The following NEGR1 variants were observed in gnomAD, a reference collection of about 807,000 sequenced individuals.
The protein encoded by NEGR1 is IgLON family member 4.
In NEGR1, 10 loss-of-function variants were observed where a neutral mutation model predicts 40.9. That is an observed-to-expected ratio of 0.24 (90% CI 0.15 to 0.42). The LOEUF is 0.42. Among genes scored for constraint, NEGR1 ranks in the 10% least tolerant of loss-of-function variants. NEGR1 has a pLI of 1.00. For missense variants in NEGR1, 352 were observed against 438.9 expected (o/e 0.80, Z 1.77); for synonymous variants, 185 against 166.8 (o/e 1.11, Z -0.84).
chr1:72,194,396 C>G (rs972692151), intron 1 of NEGR1, among the ~76,000 whole-genome samples: 12 of 151,860 alleles, frequency 7.9e-5, no homozygotes, highest in Admixed American at 5.3e-4. Context: ...CTTTGAGTCT[C>G]AAAAGTAAGA....
intron 1 of NEGR1, among the ~76,000 whole-genome samples, chr1:71,974,322 AT>A (rs1318932024): frequency 5.3e-5 from 8 of 152,210 alleles, no homozygotes; most frequent in Non-Finnish European, 8.8e-5. Context: ...ATTAATATGT[AT>A]TCTTATGAAA....
intron 4 of NEGR1, among the ~76,000 whole-genome samples, chr1:71,656,212 C>A (rs1288972136): frequency 6.6e-6 from 1 of 152,096 alleles, no homozygotes; most frequent in African/African-American, 2.4e-5. Flanking sequence ...AAAATGGGGT[C>A]ATTATCATTA....
chr1:71,938,556 C>T (rs1389393272), intron 1 of NEGR1, among the ~76,000 whole-genome samples: 1 of 151,348 alleles, frequency 6.6e-6, no homozygotes, highest in African/African-American at 2.4e-5. Flanking sequence ...CATGTGTATG[C>T]TGTATTAAGA....
intron 4 of NEGR1, among the ~76,000 whole-genome samples, chr1:71,656,117 T>A (rs1651864316): frequency 6.6e-6 from 1 of 152,198 alleles, no homozygotes; most frequent in Non-Finnish European, 1.5e-5. Flanking sequence ...AGTTCTTACT[T>A]GGGCATAATT....
At chr1:72,158,682 A>G (rs1176098069) in intron 1 of NEGR1, among the ~76,000 whole-genome samples, 1 of 152,208 alleles carries the variant, frequency 6.6e-6, no homozygotes, top group African/African-American at 2.4e-5. Flanking sequence ...ATAGACATGA[A>G]AATAAAGCCC....
chr1:72,248,205 G>A (rs1654963813), intron 1 of NEGR1, among the ~76,000 whole-genome samples: 1 of 152,102 alleles, frequency 6.6e-6, no homozygotes, highest in Non-Finnish European at 1.5e-5. Context: ...ATCTCAATAA[G>A]AGAACTAATT....
intron 5 of NEGR1, among the ~76,000 whole-genome samples, chr1:71,597,460 C>G (rs1253193144): frequency 0.019 from 1,221 of 64,608 alleles, 27 homozygotes; most frequent in African/African-American, 0.067. Flanking sequence ...CTCTCTCTCT[C>G]TCTCTCTCTC....
intron 6 of NEGR1, among the ~76,000 whole-genome samples, chr1:71,484,020 A>C (rs1486742398): frequency 6.6e-6 from 1 of 151,700 alleles, no homozygotes; most frequent in Non-Finnish European, 1.5e-5. Flanking sequence ...GAGGAGTATA[A>C]ATTTGAAAAC....
At chr1:71,564,514 T>G (rs570962255) in intron 6 of NEGR1, among the ~76,000 whole-genome samples, 1 of 152,200 alleles carries the variant, frequency 6.6e-6, no homozygotes, top group East Asian at 1.9e-4. Context: ...TTTTTAAAAG[T>G]CAAAACCCAG....
chr1:71,927,627 T>G (rs1396315776), intron 2 of NEGR1, among the ~76,000 whole-genome samples: 1 of 151,640 alleles, frequency 6.6e-6, no homozygotes, highest in Non-Finnish European at 1.5e-5. Flanking sequence ...TCAATAATAC[T>G]GCTTCATATA....
intron 1 of NEGR1, among the ~76,000 whole-genome samples, chr1:72,278,283 G>A (rs938886597): frequency 6.6e-6 from 1 of 151,962 alleles, no homozygotes; most frequent in Non-Finnish European, 1.5e-5. Flanking sequence ...AGCATGACAA[G>A]CAGATAATAG....
chr1:71,632,690 T>C lies in NEGR1; in HGVS notation c.668-21544A>G, dbSNP rs1651014747. ...GATAAAGTTTATTTCTTAATTGTCATTTTATTCTCTAAATTACAAAACATT... is the reference window on the plus strand; with the variant it reads ...GATAAAGTTTATTTCTTAATTGTCACTTTATTCTCTAAATTACAAAACATT... On this transcript the variant is annotated intron_variant, in intron 4 of 6. Coordinates refer to ENST00000357731, the MANE Select transcript of NEGR1 (RefSeq NM_173808.3). Among the ~76,000 whole-genome samples, 3 of 151,928 alleles carry C rather than the reference T, an allele frequency of 2.0e-5. No homozygotes were observed. In the South Asian group the frequency reaches 6.2e-4, roughly 31 times the overall value.
chr1:72,178,513 C>T (rs1418072150), intron 1 of NEGR1, among the ~76,000 whole-genome samples: 1 of 151,564 alleles, frequency 6.6e-6, no homozygotes, highest in African/African-American at 2.4e-5. Flanking sequence ...ACTTGAGAGG[C>T]CTTTTACAGC....
At chr1:72,082,152 C>G (rs1425692116) in intron 1 of NEGR1, among the ~76,000 whole-genome samples, 1 of 152,070 alleles carries the variant, frequency 6.6e-6, no homozygotes, top group Non-Finnish European at 1.5e-5. Flanking sequence ...TTCTATTTGT[C>G]TTCTCCACTC....
intron 4 of NEGR1, among the ~76,000 whole-genome samples, chr1:71,679,867 G>A (rs1652772513): frequency 6.6e-6 from 1 of 151,974 alleles, no homozygotes; most frequent in Non-Finnish European, 1.5e-5. Context: ...AGTTTACTAA[G>A]AGTTTTTATG....
chr1:71,471,925 G>C (rs547669883), intron 6 of NEGR1, among the ~76,000 whole-genome samples: 1 of 151,984 alleles, frequency 6.6e-6, no homozygotes, highest in African/African-American at 2.4e-5. Flanking sequence ...GCTGAACCCA[G>C]CTGTCTTTCT....
intron 2 of NEGR1, among the ~76,000 whole-genome samples, chr1:71,812,956 T>C (rs12074896): frequency 3.7e-4 from 56 of 152,252 alleles, no homozygotes; most frequent in African/African-American, 1.3e-3. Context: ...ATGCGTCAAT[T>C]TTTGCTTTTG....
At chr1:71,911,678 G>A (rs1219098345) in intron 2 of NEGR1, among the ~76,000 whole-genome samples, 3 of 152,202 alleles carry the variant, frequency 2.0e-5, no homozygotes, top group African/African-American at 4.8e-5. Flanking sequence ...AGTCTCTGAA[G>A]TGTAGTTACT....
chr1:72,013,963 T>TAAAAAATAA (rs1646684295), intron 1 of NEGR1, among the ~76,000 whole-genome samples: 1 of 88,492 alleles, frequency 1.1e-5, no homozygotes, highest in Non-Finnish European at 2.3e-5. Flanking sequence ...CTGTGAAAAA[T>TAAAAAATAA]AAAAAAAAAA....
Sources: allele counts gnomAD v4.1 joint callset (sites outside exome capture counted in the v4.1 genomes callset), GRCh38; gene constraint gnomAD v4.1.1; transcripts MANE v1.5; gene names NCBI Gene and HGNC (gene_info 2026-07-23, HGNC 2026-07-21).